Variants in INPP5B observed in about 807,000 individuals in gnomAD.
INPP5B encodes the protein inositol polyphosphate-5-phosphatase B.
Under a neutral mutation model 118.5 loss-of-function variants are expected in INPP5B, and 90 were observed. That is an observed-to-expected ratio of 0.76 (90% CI 0.64 to 0.90). The LOEUF (loss-of-function observed/expected upper bound fraction) is 0.90. Ranked by LOEUF, INPP5B falls within the 40% of genes least tolerant of loss-of-function variation. INPP5B has a pLI of 0.00. For synonymous variants in INPP5B, 385 were observed against 418.9 expected, an observed-to-expected ratio of 0.92 and a Z score of 0.99; for missense variants, 984 against 1,125.6, an observed-to-expected ratio of 0.87 and a Z score of 1.80.
chr1:37,925,219 G>A (rs1645185609), intron 7 of INPP5B, among the ~76,000 whole-genome samples: 1 of 151,640 alleles, frequency 6.6e-6, no homozygotes, highest in Non-Finnish European at 1.5e-5. Context: ...AAAACAAAAA[G>A]AGAAAGTAAT....
At chr1:37,865,310 G>A (rs1199077624) in intron 22 of INPP5B, among the ~76,000 whole-genome samples, 3 of 152,178 alleles carry the variant, frequency 2.0e-5, no homozygotes, top group African/African-American at 7.2e-5. Flanking sequence ...ATCATAGAAC[G>A]TCTTCAATAT....
chr1:37,934,822 C>T (rs1282579480), intron 6 of INPP5B, among the ~76,000 whole-genome samples: 1 of 152,136 alleles, frequency 6.6e-6, no homozygotes, highest in Non-Finnish European at 1.5e-5. Context: ...CTTTCATTCT[C>T]ATAGCTACCA....
At chr1:37,940,570 G>A (rs1262735896) in intron 6 of INPP5B, 118 bp downstream of exon 6, 1 of 637,128 alleles carries the variant, frequency 1.6e-6, no homozygotes, top group African/African-American at 1.8e-5. Context: ...TACACCAGCA[G>A]CTTCGAAAGG....
At position 37,886,876 on chromosome 1, in the gene INPP5B, C is replaced by G. The variant is rs1380374466; in HGVS notation, c.1131+12G>C. ...GTCCTCAATGTGCCAAACAAACCAA[C>G]CAAGGACTCACCATCCTCCCCATGA... On this transcript the variant is annotated intron_variant, in intron 12 of 23. Coordinates refer to ENST00000373024, the MANE Select transcript of INPP5B (RefSeq NM_005540.3). 1.9e-6 allele frequency: 3 copies of G among 1,608,704 alleles called. No individual in the cohort carries two copies. In the African/African-American group the frequency reaches 4.0e-5, roughly 22 times the overall value.
intron 6 of INPP5B, among the ~76,000 whole-genome samples, chr1:37,935,581 T>C (rs917985434): frequency 7.2e-5 from 11 of 152,040 alleles, no homozygotes; most frequent in East Asian, 1.9e-4. Flanking sequence ...GTTTGACCTC[T>C]CTATTTTTCA....
Position 37,862,310 on chromosome 1 carries a change from G to C in INPP5B, c.*5C>G. ...GCCTCAAGTAAAATAGGAGGAGAGAGAGGCTCAGAGTGGGTTGCAGAGGAA... is the reference window on the plus strand; with the variant it reads ...GCCTCAAGTAAAATAGGAGGAGAGACAGGCTCAGAGTGGGTTGCAGAGGAA... On this transcript the variant is annotated 3_prime_UTR_variant, in exon 24 of 24. Transcript: ENST00000373024. 1 of 1,584,232 alleles carries C rather than the reference G, an allele frequency of 6.3e-7. No individual in the cohort carries two copies. Among genetic ancestry groups the C allele is most frequent in the Non-Finnish European group, 8.7e-7 (1 of 1,153,236 alleles).
At chr1:37,867,453 A>G (rs1355572057) in intron 20 of INPP5B, among the ~76,000 whole-genome samples, 1 of 152,084 alleles carries the variant, frequency 6.6e-6, no homozygotes, top group African/African-American at 2.4e-5. Flanking sequence ...TTCAAATTCC[A>G]CCTCTGCCCA....
intron 7 of INPP5B, among the ~76,000 whole-genome samples, chr1:37,896,609 C>A (rs1644090937): frequency 6.9e-6 from 1 of 145,464 alleles, no homozygotes; most frequent in Non-Finnish European, 1.5e-5. Flanking sequence ...GGGGGGTCAG[C>A]CCCCCGCCCG....
chr1:37,935,254 C>G (rs1449906363), intron 6 of INPP5B, among the ~76,000 whole-genome samples: 1 of 142,316 alleles, frequency 7.0e-6, no homozygotes, highest in Non-Finnish European at 1.5e-5. Context: ...TGCAGTGGCA[C>G]GATCTCGGCT....
Position 37,888,232 on chromosome 1 carries a change from G to A in INPP5B, c.899+11C>T, listed in dbSNP as rs750168608. On this transcript the variant is annotated intron_variant, in intron 10 of 23. Transcript: ENST00000373024. ...TGAAGATGGAGAGGGGACTAGAAGA[G>A]AAGCACTCACCCTACACAATAGACA... is the stretch of plus-strand genomic sequence containing the variant. 1.4e-5 allele frequency: 20 copies of A among 1,476,636 alleles called. No homozygotes were observed. In the South Asian group the frequency reaches 2.8e-4, roughly 20 times the overall value. The allele number at this position is 1,476,636 out of a possible 1,614,324, so 91.5% of individuals were successfully genotyped here.
At chr1:37,897,771 A>T (rs1250383761) in intron 7 of INPP5B, among the ~76,000 whole-genome samples, 3 of 151,524 alleles carry the variant, frequency 2.0e-5, no homozygotes, top group African/African-American at 4.8e-5. Flanking sequence ...AAAATTAAAT[A>T]AAAATAAAAA....
chr1:37,886,051 G>A (rs1016060842), intron 12 of INPP5B, among the ~76,000 whole-genome samples: 1 of 151,858 alleles, frequency 6.6e-6, no homozygotes, highest in Non-Finnish European at 1.5e-5. Flanking sequence ...GGTGGCAGGC[G>A]CCTGTCATCC....
In INPP5B at chr1:37,865,801, T is replaced by C. The variant is rs1431084382; in HGVS notation, c.2474A>G (p.Asn825Ser). The C allele has an allele frequency of 6.2e-7, 1 of 1,613,470 alleles. No homozygotes were observed. Among genetic ancestry groups the C allele is most frequent in the Admixed American group, 1.7e-5 (1 of 59,980 alleles). ...EPVICYSTYH[N>S]CLECSGNYTA... ...GTAGTTGCCAGAACACTCCAAGCAG[T>C]TATGGTAGGTGCTGTAACAGATGAC... Residue 825 changes from asparagine (N) to serine (S), a missense_variant, in exon 22 of 24, where the codon AAC (asparagine) becomes AGC (serine). Asn to Ser is a conservative substitution (Grantham distance 46, BLOSUM62 1). Transcript: ENST00000373024.
chr1:37,938,114 T>G (rs764184678), intron 6 of INPP5B, among the ~76,000 whole-genome samples: 10 of 148,654 alleles, frequency 6.7e-5, no homozygotes, highest in Non-Finnish European at 8.9e-5. Context: ...CTACTAAAGA[T>G]ACAAAAAATT....
chr1:37,899,510 C>T (rs542720303), intron 7 of INPP5B, among the ~76,000 whole-genome samples: 3 of 151,872 alleles, frequency 2.0e-5, no homozygotes, highest in East Asian at 3.9e-4. Flanking sequence ...TGCGGTGAGC[C>T]GAGATCGCAC....
At chr1:37,876,108 T>G (rs1260925079) in intron 16 of INPP5B, among the ~76,000 whole-genome samples, 1 of 130,560 alleles carries the variant, frequency 7.7e-6, no homozygotes, top group African/African-American at 3.0e-5. Context: ...CTCAAGTTTG[T>G]TTTTTTTTTT....
chr1:37,901,102 G>A (rs571574438), intron 7 of INPP5B, among the ~76,000 whole-genome samples: 1 of 152,282 alleles, frequency 6.6e-6, no homozygotes, highest in East Asian at 1.9e-4. Flanking sequence ...GAGCCACCAC[G>A]CCCGACCTGA....
chr1:37,862,767 C>T (rs1034759992), intron 23 of INPP5B, among the ~76,000 whole-genome samples: 1 of 152,218 alleles, frequency 6.6e-6, no homozygotes, highest in African/African-American at 2.4e-5. Context: ...GTGGCTCACA[C>T]CTATAATCCC....
In INPP5B at chr1:37,896,920, C is replaced by T. The variant is rs570224097; in HGVS notation, c.533-5466G>A. Among the ~76,000 whole-genome samples the T allele has an allele frequency of 3.7e-3, 503 of 137,654 alleles. 13 individuals carry two copies. The highest frequency in any genetic ancestry group is 0.012 in the African/African-American group (437 of 36,968). 90.3% of individuals were successfully genotyped at this position (137,654 alleles called of 152,430 possible). On this transcript the variant is annotated intron_variant, in intron 7 of 23. Transcript: ENST00000373024. ...GGAAGTGAGGGGCGCTCTGCCCAGC[C>T]GCCCCTACTGGGAAGTGAGGAGCCA...
Sources: gnomAD v4.1 joint callset for allele counts (sites outside exome capture counted in the v4.1 genomes callset) on GRCh38, gnomAD v4.1.1 for gene constraint, MANE v1.5 for transcripts, NCBI Gene and HGNC (gene_info 2026-07-23, HGNC 2026-07-21) for gene names.